Variants in CFAP418 observed in about 807,000 individuals in gnomAD.
CFAP418 encodes cilia and flagella associated protein 418, also known as cilia- and flagella-associated protein 418.
Under a neutral mutation model 24.7 loss-of-function variants are expected in CFAP418, and 27 were observed. The observed-to-expected ratio is 1.09, with a 90% CI of 0.81 to 1.51. CFAP418 has a LOEUF of 1.51. CFAP418 is among the 40% of genes most tolerant of loss of function. CFAP418 has a pLI of 0.00. For missense variants in CFAP418, 257 were observed against 255.2 expected (o/e 1.01, Z -0.05); for synonymous variants, 74 against 87.3 (o/e 0.85, Z 0.85).
intron 2 of CFAP418, among the ~76,000 whole-genome samples, chr8:95,261,538 G>T (rs906775855): frequency 1.3e-5 from 2 of 152,080 alleles, no homozygotes; most frequent in East Asian, 3.9e-4. Context: ...GAGTAGTATT[G>T]TCAGGGCATA....
chr8:95,259,895 C>A lies in CFAP418; in HGVS notation c.319G>T (p.Val107Leu). The change falls in exon 4 of 6, where the codon GTG (valine) becomes TTG (leucine). Residue 107 changes from valine (V) to leucine (L), a missense_variant. Coordinates refer to ENST00000286688, the MANE Select transcript of CFAP418 (RefSeq NM_177965.4). ...IEGLGKSCSPVYLGGSSIPCG... is the reference protein window; with the variant it reads ...IEGLGKSCSPLYLGGSSIPCG... The stretch of plus-strand genomic sequence containing the variant: ...GGAATAGAGCTTCCACCAAGGTACA[C>A]CGGACTGCAACTAGATGTGTTCAAC... The A allele has an allele frequency of 1.2e-6, 2 of 1,605,650 alleles. No homozygotes were observed. The highest frequency in any genetic ancestry group is 8.5e-7 in the Non-Finnish European group (1 of 1,177,336).
rs950560874 is a variant in CFAP418 at position 95,246,849 on chromosome 8, A to G, written c.*768T>C. On this transcript the variant is annotated 3_prime_UTR_variant, in exon 6 of 6. Transcript: ENST00000286688. ...TCCCTTGATGGAGTTTTAGGCATTA[A>G]AGGATAGAAAGTACTTGGAAAATCC... The G allele has an allele frequency of 2.0e-5, 3 of 152,220 alleles. No individual in the cohort carries two copies. Among genetic ancestry groups the G allele is most frequent in the African/African-American group, 7.2e-5 (3 of 41,448 alleles). 9.4% of individuals were successfully genotyped at this position (152,220 alleles called of 1,614,324 possible). A position where few individuals can be genotyped will look rare whatever the true frequency, so the allele number is the denominator to read the frequency against.
intron 1 of CFAP418, among the ~76,000 whole-genome samples, chr8:95,264,335 AACCACTACTGCATAG>A (rs757419903): frequency 6.6e-6 from 1 of 152,200 alleles, no homozygotes; most frequent in Non-Finnish European, 1.5e-5. Context: ...TATTAATATA[AACCACTACTGCATAG>A]AACTTCTATT....
Position 95,269,030 on chromosome 8 carries a change from T to A in CFAP418, c.155+5A>T, listed in dbSNP as rs770651978. 27 of 1,613,534 alleles carry A rather than the reference T, an allele frequency of 1.7e-5. No individual in the cohort carries two copies. The highest frequency in any genetic ancestry group is 2.1e-5 in the Non-Finnish European group (25 of 1,179,776). On this transcript the variant is annotated splice_donor_5th_base_variant and intron_variant, in intron 1 of 5. Transcript: ENST00000286688. ...AGAACAGTCCACCCCTCCCGCCCGG[T>A]TAACCTGAGCGTCTCTTTCGCCTTG...
Position 95,269,076 on chromosome 8 carries a change from G to A in CFAP418, c.114C>T (p.His38=), listed in dbSNP as rs778751437. ...CCTTGGCTTGGTTCCGGTCGCTACT[G>A]TGGGTGCCGCCGCCGCAGCCTTTGG... ...EQPKGCGGGT[H]SSDRNQAKAK... Residue 38 remains histidine (H), a synonymous_variant, in exon 1 of 6, where the codon CAC becomes CAT. Coordinates refer to ENST00000286688, the MANE Select transcript of CFAP418 (RefSeq NM_177965.4). 1.9e-6 allele frequency: 3 copies of A among 1,614,188 alleles called. No homozygotes were observed. Among genetic ancestry groups the A allele is most frequent in the African/African-American group, 1.3e-5 (1 of 75,068 alleles).
rs1297222363 is a variant in CFAP418, at chr8:95,247,557, A to T, written c.*60T>A. ...TGCTAGGGACTATTGTCTAAACATG[A>T]TGATGATTCATGGAGACCACTCTCA... On this transcript the variant is annotated 3_prime_UTR_variant, in exon 6 of 6. Transcript: ENST00000286688. 6.3e-7 allele frequency: 1 copy of T among 1,591,156 alleles called. No homozygotes were observed. Among genetic ancestry groups the T allele is most frequent in the African/African-American group, 1.3e-5 (1 of 74,526 alleles).
At chr8:95,263,426 G>C (rs1359700838) in intron 2 of CFAP418, among the ~76,000 whole-genome samples, 1 of 152,152 alleles carries the variant, frequency 6.6e-6, no homozygotes, top group Non-Finnish European at 1.5e-5. Context: ...CAAGTGACCA[G>C]CTTGATGTGT....
intron 3 of CFAP418, 52 bp downstream of exon 3, chr8:95,260,416 C>T (rs563538709): frequency 2.4e-6 from 3 of 1,271,950 alleles, no homozygotes; most frequent in Non-Finnish European, 3.3e-6. Context: ...AGACTATGCT[C>T]ATAGTGTTTG....
chr8:95,261,224 C>T (rs1277217888), intron 2 of CFAP418, among the ~76,000 whole-genome samples: 1 of 152,196 alleles, frequency 6.6e-6, no homozygotes, highest in Non-Finnish European at 1.5e-5. Context: ...TATGCAGAGA[C>T]ATGCCTTCAT....
intron 1 of CFAP418, among the ~76,000 whole-genome samples, chr8:95,264,813 T>C (rs1811949610): frequency 2.6e-5 from 4 of 152,212 alleles, no homozygotes; most frequent in Admixed American, 2.6e-4. Flanking sequence ...TACTACCTAA[T>C]GGTTGATTCT....
chr8:95,264,323 A>G (rs1811940486), intron 1 of CFAP418, among the ~76,000 whole-genome samples: 1 of 152,208 alleles, frequency 6.6e-6, no homozygotes, highest in Non-Finnish European at 1.5e-5. Flanking sequence ...CCATCACTGG[A>G]TTATTAATAT....
intron 5 of CFAP418, among the ~76,000 whole-genome samples, chr8:95,250,139 C>T (rs1265424761): frequency 6.6e-6 from 1 of 152,156 alleles, no homozygotes; most frequent in Non-Finnish European, 1.5e-5. Flanking sequence ...CTGGTAAACA[C>T]CAATATATTG....
rs1253460037 is a variant in CFAP418, at chr8:95,247,704, A to T, written c.537T>A (p.Tyr179Ter). 6.2e-7 allele frequency: 1 copy of T among 1,613,986 alleles called. No homozygotes were observed. The highest frequency in any genetic ancestry group is 2.2e-5 in the East Asian group (1 of 44,876). Residue 179 changes from tyrosine to a stop codon, truncating the protein, a stop_gained, in exon 6 of 6, where the codon TAT (tyrosine) becomes TAA (stop). Transcript: ENST00000286688. LOFTEE classifies it high-confidence loss of function. The stretch of plus-strand genomic sequence containing the variant: ...TAGTTCTCCAGCTACACTGGCAGGC[A>T]TATGCCCGTGTTCCTTTCTTCTTTA... ...KLIKKKGTRA[Y>*]ACQCSWRTIE...
At chr8:95,259,768 T>C in intron 4 of CFAP418, 72 bp downstream of exon 4, 2 of 1,068,594 alleles carry the variant, frequency 1.9e-6, no homozygotes, top group Non-Finnish European at 1.4e-6. Context: ...AGATGATAAC[T>C]ACATTTTAAC....
At position 95,267,666 on chromosome 8, in the gene CFAP418, T is replaced by C. The variant is rs368197405; in HGVS notation, c.155+1369A>G. 2.0e-5 allele frequency among the ~76,000 whole-genome samples: 3 copies of C among 152,252 alleles called. No homozygotes were observed. The South Asian group carries it at 6.2e-4, about 32-fold the overall frequency. ...ACTGGATAGTAACAGAGTTGGATAA[T>C]ACTTTGGGAAATCACACATACACAC... On this transcript the variant is annotated intron_variant, in intron 1 of 5. Transcript: ENST00000286688.
At chr8:95,256,092 CT>C (rs1811782924) in intron 4 of CFAP418, among the ~76,000 whole-genome samples, 1 of 152,184 alleles carries the variant, frequency 6.6e-6, no homozygotes, top group African/African-American at 2.4e-5. Flanking sequence ...ACAGGCTGTT[CT>C]TTGGTTTACT....
rs962371730 is a variant in CFAP418, at chr8:95,245,890, G to A, written c.*1727C>T. ...GCTCTGCTATTTTTTTCCAGCAGTC[G>A]ACTTCAATCGACATCCCCCTAGGTT... On this transcript the variant is annotated 3_prime_UTR_variant, in exon 6 of 6. Coordinates refer to ENST00000286688, the MANE Select transcript of CFAP418 (RefSeq NM_177965.4). 5 of 151,994 alleles carry A rather than the reference G, an allele frequency of 3.3e-5. No homozygotes were observed. Among genetic ancestry groups the A allele is most frequent in the African/African-American group, 7.2e-5 (3 of 41,382 alleles). The allele number at this position is 151,994 out of a possible 1,614,324, so 9.4% of individuals were successfully genotyped here. A position where few individuals can be genotyped will look rare whatever the true frequency, so the allele number is the denominator to read the frequency against.
chr8:95,263,675 C>T lies in CFAP418; in HGVS notation c.243+12G>A, dbSNP rs769781357. ...TGACAGAATTACTACATATTTATAA[C>T]ACTTGACTTACAGAGGGTTTTTTGT... On this transcript the variant is annotated intron_variant, in intron 2 of 5. Transcript: ENST00000286688. 10 of 1,524,396 alleles carry T rather than the reference C, an allele frequency of 6.6e-6. No homozygotes were observed. The African/African-American group carries it at 1.2e-4, about 19-fold the overall frequency. 94.4% of individuals were successfully genotyped at this position (1,524,396 alleles called of 1,614,324 possible).
chr8:95,268,904 G>GGTCT, intron 1 of CFAP418, 131 bp downstream of exon 1: 1 of 986,596 alleles, frequency 1.0e-6, no homozygotes, highest in Non-Finnish European at 1.5e-6. Context: ...GGGCGCTGAG[G>GGTCT]GTCTGAACCC....
Sources: allele counts gnomAD v4.1 joint callset (sites outside exome capture counted in the v4.1 genomes callset), GRCh38; gene constraint gnomAD v4.1.1; transcripts MANE v1.5; gene names NCBI Gene and HGNC (gene_info 2026-07-23, HGNC 2026-07-21).